Variants in HCN1 observed in about 807,000 individuals in gnomAD.
HCN1 encodes potassium/sodium hyperpolarization-activated cyclic nucleotide-gated channel 1.
In HCN1, 13 loss-of-function variants were observed where a neutral mutation model predicts 78.9. The observed-to-expected ratio is 0.16, with a 90% CI of 0.11 to 0.26. HCN1 has a LOEUF of 0.26. Ranked by LOEUF, HCN1 falls within the 10% of genes least tolerant of loss-of-function variation. The pLI, the probability that HCN1 is intolerant of heterozygous loss-of-function variation, is 1.00. For synonymous variants in HCN1, 552 were observed against 455.5 expected (o/e 1.21, Z -2.70); for missense variants, 810 against 1,154.3 (o/e 0.70, Z 4.32).
intron 4 of HCN1, among the ~76,000 whole-genome samples, chr5:45,371,487 G>T (rs377241593): frequency 1.3e-5 from 2 of 151,836 alleles, no homozygotes; most frequent in African/African-American, 4.8e-5. Context: ...GGCTGGGCAC[G>T]GTGACTCATG....
At chr5:45,277,227 A>G (rs952844343) in intron 6 of HCN1, among the ~76,000 whole-genome samples, 6 of 152,102 alleles carry the variant, frequency 3.9e-5, no homozygotes, top group Admixed American at 2.6e-4. Flanking sequence ...TGTTCTCTCA[A>G]ATCTTTTGCT....
intron 2 of HCN1, among the ~76,000 whole-genome samples, chr5:45,589,713 A>G (rs1744321656): frequency 6.6e-6 from 1 of 152,208 alleles, no homozygotes; most frequent in African/African-American, 2.4e-5. Flanking sequence ...TTTAATGGCC[A>G]ATAGTAATAT....
rs185887504 is a variant in HCN1 at position 45,373,863 on chromosome 5, T to A, written c.1231-20617A>T. 2.4e-4 allele frequency among the ~76,000 whole-genome samples: 28 copies of A among 117,538 alleles called. 1 individual carries two copies. The highest frequency in any genetic ancestry group is 8.8e-4 in the African/African-American group (25 of 28,350). 77.1% of individuals were successfully genotyped at this position (117,538 alleles called of 152,430 possible). Reference sequence around the variant, plus strand: ...TATATTACATACGGTATATACGTCATCTATAATATATTACATACGGTATAT... The same window carrying A: ...TATATTACATACGGTATATACGTCAACTATAATATATTACATACGGTATAT... On this transcript the variant is annotated intron_variant, in intron 4 of 7. Transcript: ENST00000303230.
chr5:45,496,742 G>A (rs1441011424), intron 2 of HCN1, among the ~76,000 whole-genome samples: 1 of 152,072 alleles, frequency 6.6e-6, no homozygotes, highest in Admixed American at 6.5e-5. Flanking sequence ...CTTGCCTTCT[G>A]CTAGCTTTTG....
chr5:45,362,526 C>T (rs768339977), intron 4 of HCN1, among the ~76,000 whole-genome samples: 6 of 152,038 alleles, frequency 3.9e-5, no homozygotes, highest in African/African-American at 1.2e-4. Context: ...TACTCTTTCA[C>T]CTGTATTTGA....
chr5:45,474,229 C>T (rs1188997363), intron 2 of HCN1, among the ~76,000 whole-genome samples: 4 of 151,800 alleles, frequency 2.6e-5, no homozygotes, highest in Non-Finnish European at 5.9e-5. Context: ...CTGAAGATGT[C>T]CAAAATTATA....
chr5:45,508,645 T>C (rs576000332), intron 2 of HCN1, among the ~76,000 whole-genome samples: 32 of 152,252 alleles, frequency 2.1e-4, no homozygotes, highest in Admixed American at 1.8e-3. Context: ...AAAACTGACA[T>C]TTTCAAGCAT....
chr5:45,377,961 C>A (rs1242127379), intron 4 of HCN1, among the ~76,000 whole-genome samples: 1 of 151,836 alleles, frequency 6.6e-6, no homozygotes, highest in African/African-American at 2.4e-5. Flanking sequence ...TATCCTCAAC[C>A]AGTACTATAC....
At chr5:45,346,859 G>A (rs771071442) in intron 5 of HCN1, among the ~76,000 whole-genome samples, 17 of 152,296 alleles carry the variant, frequency 1.1e-4, no homozygotes, top group East Asian at 3.9e-4. Context: ...CAAAGCAGCC[G>A]GGAAGCTTGA....
chr5:45,382,728 A>C (rs145361388), intron 4 of HCN1, among the ~76,000 whole-genome samples: 1 of 152,152 alleles, frequency 6.6e-6, no homozygotes, highest in African/African-American at 2.4e-5. Flanking sequence ...CTATTCAAAC[A>C]AGAAGAATCA....
At chr5:45,594,237 C>A (rs991509026) in intron 2 of HCN1, among the ~76,000 whole-genome samples, 2 of 152,086 alleles carry the variant, frequency 1.3e-5, no homozygotes, top group African/African-American at 2.4e-5. Flanking sequence ...TTTCAGATGC[C>A]AATATTACAT....
intron 2 of HCN1, among the ~76,000 whole-genome samples, chr5:45,517,911 T>C (rs550370203): frequency 3.7e-4 from 56 of 152,176 alleles, no homozygotes; most frequent in African/African-American, 1.3e-3. Context: ...AAATCAAAAA[T>C]CAATTTTTAG....
intron 3 of HCN1, among the ~76,000 whole-genome samples, chr5:45,440,769 T>C (rs1263759126): frequency 1.3e-5 from 2 of 152,206 alleles, no homozygotes; most frequent in Non-Finnish European, 2.9e-5. Flanking sequence ...AGCTATTCTG[T>C]AAAATAGCAA....
chr5:45,602,029 A>C (rs919909533), intron 2 of HCN1, among the ~76,000 whole-genome samples: 3 of 152,038 alleles, frequency 2.0e-5, no homozygotes, highest in African/African-American at 7.2e-5. Flanking sequence ...TGGTTTTATA[A>C]GGGGCTTCCC....
intron 4 of HCN1, among the ~76,000 whole-genome samples, chr5:45,388,857 C>A (rs1579862557): frequency 6.6e-6 from 1 of 152,060 alleles, no homozygotes; most frequent in Admixed American, 6.6e-5. Context: ...TATATAATGG[C>A]TATTTAGTAT....
At chr5:45,663,295 C>T (rs943607229) in intron 1 of HCN1, among the ~76,000 whole-genome samples, 1 of 140,860 alleles carries the variant, frequency 7.1e-6, no homozygotes, top group Non-Finnish European at 1.5e-5. Context: ...ACACCTTATA[C>T]AAAAATCAAT....
intron 6 of HCN1, among the ~76,000 whole-genome samples, chr5:45,284,666 C>G (rs1745232717): frequency 6.6e-6 from 1 of 152,062 alleles, no homozygotes; most frequent in East Asian, 1.9e-4. Flanking sequence ...GCTTTAATTT[C>G]CCAGCCGGGA....
intron 4 of HCN1, among the ~76,000 whole-genome samples, chr5:45,358,924 C>T (rs6451797): frequency 0.016 from 2,458 of 152,184 alleles, 69 homozygotes; most frequent in African/African-American, 0.056. Flanking sequence ...AGGGCTGCTA[C>T]CTGTACATCT....
chr5:45,368,009 G>A (rs1747270107), intron 4 of HCN1, among the ~76,000 whole-genome samples: 2 of 151,976 alleles, frequency 1.3e-5, no homozygotes, highest in Non-Finnish European at 2.9e-5. Context: ...ACTGGATCTT[G>A]ACTGTAGATG....
Sources: allele counts gnomAD v4.1 joint callset (sites outside exome capture counted in the v4.1 genomes callset), GRCh38; gene constraint gnomAD v4.1.1; transcripts MANE v1.5; gene names NCBI Gene and HGNC (gene_info 2026-07-23, HGNC 2026-07-21).